PDE8B: variants seen among roughly 807,000 people sequenced by gnomAD.
PDE8B encodes the protein phosphodiesterase 8B.
Under a neutral mutation model 101.3 loss-of-function variants are expected in PDE8B, and 26 were observed. The ratio of observed to expected loss-of-function variants is 0.26; its 90% confidence interval spans 0.19 to 0.36. The LOEUF is 0.36. Ranked by LOEUF, PDE8B falls within the 10% of genes least tolerant of loss-of-function variation. The pLI is 1.00. For missense variants in PDE8B, 810 were observed against 1,163.1 expected (o/e 0.70, Z 4.42); for synonymous variants, 424 against 429.3 (o/e 0.99, Z 0.15).
At chr5:77,312,099 T>A (rs532912270) in intron 2 of PDE8B, 46 bp downstream of exon 2, 11 of 1,303,278 alleles carry the variant, frequency 8.4e-6, no homozygotes, top group Non-Finnish European at 1.2e-5. Context: ...ATTTTCTTTT[T>A]TTTTTCTTTT....
At position 77,339,880 on chromosome 5, in the gene PDE8B, G is replaced by A. The variant is rs187233536; in HGVS notation, c.797+2565G>A. Among the ~76,000 whole-genome samples, 15 of 152,098 alleles carry A rather than the reference G, an allele frequency of 9.9e-5. No individual in the cohort carries two copies. In the East Asian group the frequency reaches 2.7e-3, roughly 27 times the overall value. Reference sequence around the variant, plus strand: ...CACCTGATGTGATCAAACAGAAGATGTAGTCTAATTTTAAGATTCTATTAT... The same window carrying A: ...CACCTGATGTGATCAAACAGAAGATATAGTCTAATTTTAAGATTCTATTAT... On this transcript the variant is annotated intron_variant, in intron 6 of 21. Coordinates refer to ENST00000264917, the MANE Select transcript of PDE8B (RefSeq NM_003719.5).
chr5:77,404,624 T>C lies in PDE8B; in HGVS notation c.1211-96T>C, dbSNP rs764069944. 17 of 780,486 alleles carry C rather than the reference T, an allele frequency of 2.2e-5. No individual in the cohort carries two copies. In the Middle Eastern group the frequency reaches 9.2e-4, roughly 42 times the overall value. The allele number at this position is 780,486 out of a possible 1,614,324, so 48.3% of individuals were successfully genotyped here. ...TTTTATAGTGCTTAAAAAGTAACCT[T>C]GTTTTCTTTAGAGAATAAAGAAAAA... On this transcript the variant is annotated intron_variant, in intron 11 of 21. Coordinates refer to ENST00000264917, the MANE Select transcript of PDE8B (RefSeq NM_003719.5).
intron 1 of PDE8B, among the ~76,000 whole-genome samples, chr5:77,259,068 ACCCCCGCCC>A (rs1759867815): frequency 2.4e-5 from 1 of 41,138 alleles, no homozygotes; most frequent in Non-Finnish European, 4.8e-5. Context: ...ACACACACAC[ACCCCCGCCC>A]CCCCCCCACA....
rs1394968661 is a variant in PDE8B, at chr5:77,407,454, A to G, written c.1362A>G (p.Thr454=). Residue 454 remains threonine (T), a synonymous_variant, in exon 13 of 22, where the codon ACA becomes ACG. Coordinates refer to ENST00000264917, the MANE Select transcript of PDE8B (RefSeq NM_003719.5). ...IHSMTIEAPI[T]KVINIINAAQ... ...CCATGACCATCGAGGCTCCCATCAC[A>G]AAGGTGAGTGGCGGCTGCTGCCTGC... is the stretch of plus-strand genomic sequence containing the variant. 8 of 1,612,436 alleles carry G rather than the reference A, an allele frequency of 5.0e-6. No homozygotes were observed. The highest frequency in any genetic ancestry group is 6.8e-6 in the Non-Finnish European group (8 of 1,178,592).
At chr5:77,198,247 C>T in the PDE8B span, among the ~76,000 whole-genome samples, 5 of 152,090 alleles carry the variant, frequency 3.3e-5, no homozygotes, top group Non-Finnish European at 7.4e-5. Flanking sequence ...CCTGAGTGAC[C>T]AAGAAAGACA....
At chr5:77,378,181 C>A (rs1271548260) in intron 10 of PDE8B, among the ~76,000 whole-genome samples, 3 of 152,098 alleles carry the variant, frequency 2.0e-5, no homozygotes, top group African/African-American at 7.2e-5. Context: ...TAGGTACTGG[C>A]CGGGCACGGC....
chr5:77,247,039 G>A (rs1757090735), intron 1 of PDE8B, among the ~76,000 whole-genome samples: 1 of 152,232 alleles, frequency 6.6e-6, no homozygotes, highest in Non-Finnish European at 1.5e-5. Flanking sequence ...TGTCAACAGT[G>A]CTTTAATATA....
intron 20 of PDE8B, among the ~76,000 whole-genome samples, chr5:77,424,830 T>TTG (rs1336961490): frequency 4.6e-5 from 7 of 150,620 alleles, no homozygotes; most frequent in Non-Finnish European, 8.9e-5. Context: ...TTTTTTGTTT[T>TTG]TTGTTTTTAA....
At chr5:77,109,927 GTTTTTTTTTTTTTTTT>G in the PDE8B span, among the ~76,000 whole-genome samples, 1 of 67,234 alleles carries the variant, frequency 1.5e-5, no homozygotes, top group Non-Finnish European at 2.6e-5. Context: ...TTGTATTTCA[GTTTTTTTTTTTTTTTT>G]TTTTTTTTTT....
At chr5:77,291,069 G>T (rs1767218508) in intron 1 of PDE8B, 1 of 1,611,186 alleles carries the variant, frequency 6.2e-7, no homozygotes, top group Non-Finnish European at 8.5e-7. Flanking sequence ...AAGTTTGTTG[G>T]AACTTGGAGG....
At chr5:77,155,562 G>A in the PDE8B span, among the ~76,000 whole-genome samples, 8 of 152,306 alleles carry the variant, frequency 5.3e-5, no homozygotes, top group Admixed American at 4.6e-4. Context: ...AAGAATAATA[G>A]TGTGTATTTC....
chr5:77,283,387 G>A (rs1007942934), intron 1 of PDE8B, among the ~76,000 whole-genome samples: 1 of 152,144 alleles, frequency 6.6e-6, no homozygotes, highest in Non-Finnish European at 1.5e-5. Flanking sequence ...GTTCACTCTT[G>A]ATGTTGTACC....
the PDE8B span, among the ~76,000 whole-genome samples, chr5:77,090,144 G>T: frequency 6.6e-6 from 1 of 152,090 alleles, no homozygotes; most frequent in Admixed American, 6.5e-5. Flanking sequence ...GTGAAGACAG[G>T]TTGGTGAATG....
chr5:77,189,623 G>A, the PDE8B span, among the ~76,000 whole-genome samples: 1 of 152,292 alleles, frequency 6.6e-6, no homozygotes, highest in South Asian at 2.1e-4. Context: ...AGGCCCTGAA[G>A]GAGCATGTCG....
the PDE8B span, among the ~76,000 whole-genome samples, chr5:77,198,754 A>G: frequency 1.3e-5 from 2 of 152,230 alleles, no homozygotes; most frequent in Admixed American, 1.3e-4. Flanking sequence ...TCAGAAGTCC[A>G]TGTTGCAAAT....
At chr5:77,342,442 C>T (rs1779372375) in intron 6 of PDE8B, among the ~76,000 whole-genome samples, 1 of 152,038 alleles carries the variant, frequency 6.6e-6, no homozygotes. Flanking sequence ...GCCTTCTTCC[C>T]TCTAAACGGA....
chr5:77,311,876 A>T (rs1772712903), intron 1 of PDE8B, 118 bp from the exon 2 acceptor site: 6 of 836,688 alleles, frequency 7.2e-6, no homozygotes, highest in Non-Finnish European at 1.1e-5. Flanking sequence ...CAGTTCAGTA[A>T]GCTGGATTCT....
At chr5:77,354,962 G>A (rs79343230) in intron 10 of PDE8B, among the ~76,000 whole-genome samples, 80 of 152,312 alleles carry the variant, frequency 5.3e-4, no homozygotes, top group African/African-American at 1.7e-3. Flanking sequence ...AGCTATTTGC[G>A]TGCTAAACTG....
At chr5:77,172,354 G>C in the PDE8B span, among the ~76,000 whole-genome samples, 2 of 152,170 alleles carry the variant, frequency 1.3e-5, no homozygotes, top group Non-Finnish European at 2.9e-5. Flanking sequence ...ATGCAATTGG[G>C]AGTCTTGGGA....
Sources: allele counts gnomAD v4.1 joint callset (sites outside exome capture counted in the v4.1 genomes callset), GRCh38; gene constraint gnomAD v4.1.1; transcripts MANE v1.5; gene names NCBI Gene and HGNC (gene_info 2026-07-23, HGNC 2026-07-21).